The following SNX32 variants were observed in gnomAD, a reference collection of about 807,000 sequenced individuals.
SNX32 encodes sorting nexin-32.
A neutral mutation model predicts 57.0 loss-of-function variants in SNX32; 58 were observed. The ratio of observed to expected loss-of-function variants is 1.02; its 90% confidence interval spans 0.82 to 1.27. The LOEUF (loss-of-function observed/expected upper bound fraction) is 1.27, where lower values mean the gene tolerates loss of function less well. Ranked by LOEUF, SNX32 falls within the 50% of genes most tolerant of loss-of-function variation. The pLI, the probability that SNX32 is intolerant of heterozygous loss-of-function variation, is 0.00. For synonymous variants in SNX32, 262 were observed against 220.4 expected, an observed-to-expected ratio of 1.19 and a Z score of -1.67; for missense variants, 589 against 541.2, an observed-to-expected ratio of 1.09 and a Z score of -0.88.
intron 1 of SNX32, among the ~76,000 whole-genome samples, chr11:65,836,960 A>G (rs1056856305): frequency 1.3e-5 from 2 of 152,108 alleles, no homozygotes; most frequent in Admixed American, 1.3e-4. Context: ...GTGGGGCTTA[A>G]AACCTAGATG....
chr11:65,851,589 T>C, intron 8 of SNX32, 51 bp from the exon 9 acceptor site: 2 of 1,602,862 alleles, frequency 1.2e-6, no homozygotes, highest in South Asian at 2.2e-5. Context: ...CAGAGAGGCT[T>C]TGAGCTGTTC....
At chr11:65,846,907 C>T (rs1211626432) in intron 1 of SNX32, among the ~76,000 whole-genome samples, 4 of 150,762 alleles carry the variant, frequency 2.7e-5, no homozygotes, top group Non-Finnish European at 3.0e-5. Context: ...CGCTGGAACC[C>T]GGGAGGCGGA....
At chr11:65,845,328 C>T (rs566890708) in intron 1 of SNX32, among the ~76,000 whole-genome samples, 1 of 151,576 alleles carries the variant, frequency 6.6e-6, no homozygotes, top group East Asian at 1.9e-4. Context: ...ATCCCAGCTA[C>T]TAGGGAGGCT....
At chr11:65,839,542 A>G (rs1181917276) in intron 1 of SNX32, among the ~76,000 whole-genome samples, 3 of 149,504 alleles carry the variant, frequency 2.0e-5, no homozygotes, top group Non-Finnish European at 4.5e-5. Flanking sequence ...ACGATGTTTC[A>G]CCATGTTGGC....
At chr11:65,842,590 C>T (rs189556504) in intron 1 of SNX32, among the ~76,000 whole-genome samples, 3 of 151,650 alleles carry the variant, frequency 2.0e-5, no homozygotes, top group African/African-American at 4.8e-5. Flanking sequence ...GAGGCAGAGG[C>T]TGCAGTGAGC....
At chr11:65,844,308 G>A (rs1216935509) in intron 1 of SNX32, among the ~76,000 whole-genome samples, 3 of 152,048 alleles carry the variant, frequency 2.0e-5, no homozygotes, top group African/African-American at 7.3e-5. Flanking sequence ...GGAACAGAGA[G>A]TCCAAAGTTT....
rs144634991 is a variant in SNX32 at position 65,852,773 on chromosome 11, C to T, written c.1056C>T (p.Ser352=). 3.9e-4 allele frequency: 628 copies of T among 1,609,798 alleles called. 3 individuals are homozygous for T. In the African/African-American group the frequency reaches 7.3e-3, roughly 19 times the overall value. ...QLCCQRFERL[S]DSAKQELMDF... ...GCTGCCAACGCTTCGAGCGCCTCTC[C>T]GACTCCGCCAAGCAAGGTGAGCCCG... The change falls in exon 11 of 13, where the codon TCC becomes TCT. Residue 352 remains serine, a synonymous_variant. Transcript: ENST00000308342.
intron 2 of SNX32, 66 bp from the exon 3 acceptor site, chr11:65,849,840 GGCCCAAAAGTGCAT>G (rs1440544913): frequency 5.2e-6 from 6 of 1,150,456 alleles, no homozygotes; most frequent in African/African-American, 1.6e-5. Flanking sequence ...GGATGAGGGG[GGCCCAAAAGTGCAT>G]GCCCAGACTT....
intron 1 of SNX32, among the ~76,000 whole-genome samples, chr11:65,843,144 C>T (rs1310430405): frequency 6.7e-6 from 1 of 148,694 alleles, no homozygotes; most frequent in Non-Finnish European, 1.5e-5. Context: ...TGGCTTGAAC[C>T]CAGGAGGTGG....
intron 12 of SNX32, 141 bp downstream of exon 12, chr11:65,853,099 AAGGCTTGGGGC>A: frequency 7.9e-7 from 1 of 1,264,408 alleles, no homozygotes; most frequent in East Asian, 2.3e-5. Flanking sequence ...AGCCCCAGCT[AAGGCTTGGGGC>A]CATGCTTCCC....
intron 1 of SNX32, among the ~76,000 whole-genome samples, chr11:65,845,304 G>T (rs1269403208): frequency 6.6e-6 from 1 of 151,816 alleles, no homozygotes; most frequent in Non-Finnish European, 1.5e-5. Flanking sequence ...TGGGCGTGGT[G>T]GTGTATGACT....
At chr11:65,837,352 A>G (rs1161355063) in intron 1 of SNX32, among the ~76,000 whole-genome samples, 1 of 152,190 alleles carries the variant, frequency 6.6e-6, no homozygotes, top group Non-Finnish European at 1.5e-5. Context: ...AAGGGTTGAC[A>G]TAAATGGGTG....
At chr11:65,839,223 G>GTTTTTTTTTTTTTTTGTTTT (rs755185237) in intron 1 of SNX32, among the ~76,000 whole-genome samples, 1 of 23,078 alleles carries the variant, frequency 4.3e-5, no homozygotes, top group Non-Finnish European at 7.1e-5. Context: ...TAATTTTTTT[G>GTTTTTTTTTTTTTTTGTTTT]TATTTTTTTT....
intron 1 of SNX32, among the ~76,000 whole-genome samples, chr11:65,844,023 T>C (rs1858919504): frequency 6.6e-6 from 1 of 152,198 alleles, no homozygotes; most frequent in Admixed American, 6.6e-5. Context: ...GCAATTACCA[T>C]GCCTGGACTA....
At chr11:65,838,941 A>T (rs531788896) in intron 1 of SNX32, among the ~76,000 whole-genome samples, 96 of 152,142 alleles carry the variant, frequency 6.3e-4, no homozygotes, top group African/African-American at 2.0e-3. Context: ...GACATATCGA[A>T]ACTCATAAGA....
rs775389434 is a variant in SNX32 at position 65,851,331 on chromosome 11, T to A, written c.713T>A (p.Leu238Gln). Residue 238 changes from leucine (L) to glutamine (Q), a missense_variant, in exon 8 of 13, where the codon CTG becomes CAG. Coordinates refer to ENST00000308342, the MANE Select transcript of SNX32 (RefSeq NM_152760.3). Reference sequence around the variant, plus strand: ...GATGGGGGCTGTTCCCCAACAGGCCTGGCAGACGATTATATCCCTATCTCA... The same window carrying A: ...GATGGGGGCTGTTCCCCAACAGGCCAGGCAGACGATTATATCCCTATCTCA... ...ADRVMRAHKC[L>Q]ADDYIPISAA... 1.9e-6 allele frequency: 3 copies of A among 1,614,138 alleles called. No homozygotes were observed. Among genetic ancestry groups the A allele is most frequent in the African/African-American group, 2.7e-5 (2 of 75,040 alleles).
rs1859093714 is a variant in SNX32, at chr11:65,849,468, T to C, written c.37-10T>C. 1.9e-6 allele frequency: 3 copies of C among 1,602,232 alleles called. No homozygotes were observed. Among genetic ancestry groups the C allele is most frequent in the Non-Finnish European group, 2.6e-6 (3 of 1,173,066 alleles). On this transcript the variant is annotated splice_polypyrimidine_tract_variant and intron_variant, in intron 1 of 12. Coordinates refer to ENST00000308342, the MANE Select transcript of SNX32 (RefSeq NM_152760.3). ...GCTCAGCCAGGCCAGAGACCTCCCC[T>C]CCTCCGCAGCCTTCCTGTGCATCGG...
At chr11:65,837,924 G>C (rs776294818) in intron 1 of SNX32, among the ~76,000 whole-genome samples, 14 of 151,770 alleles carry the variant, frequency 9.2e-5, no homozygotes, top group Non-Finnish European at 1.8e-4. Flanking sequence ...GAGAGGCCAA[G>C]GTGGGTAGAT....
In SNX32 at chr11:65,850,764, G is replaced by A. The variant is rs1859158124; in HGVS notation, c.512G>A (p.Gly171Glu). The A allele has an allele frequency of 1.9e-6, 3 of 1,614,048 alleles. No homozygotes were observed. Among genetic ancestry groups the A allele is most frequent in the Non-Finnish European group, 2.5e-6 (3 of 1,179,944 alleles). The stretch of plus-strand genomic sequence containing the variant: ...TGTGTGCCTCAGCTGAGTGTCCGGG[G>A]GAAGAACAGGAAGGAGCTCCTCGGA... The part of the protein sequence containing the change: ...LEYGQDLSVR[G>E]KNRKELLGGF... The change falls in exon 6 of 13, where the codon GGG becomes GAG. Residue 171 changes from glycine to glutamate, a missense_variant. Transcript: ENST00000308342.
Sources: allele counts gnomAD v4.1 joint callset (sites outside exome capture counted in the v4.1 genomes callset), GRCh38; gene constraint gnomAD v4.1.1; transcripts MANE v1.5; gene names NCBI Gene and HGNC (gene_info 2026-07-23, HGNC 2026-07-21).